MS4A6E: variants seen among roughly 807,000 people sequenced by gnomAD.
MS4A6E encodes membrane spanning 4-domains A6E.
Under a neutral mutation model 13.2 loss-of-function variants are expected in MS4A6E, and 8 were observed. That is an observed-to-expected ratio of 0.60 (90% CI 0.35 to 1.09). The LOEUF (loss-of-function observed/expected upper bound fraction) is 1.09, where lower values mean the gene tolerates loss of function less well. Ranked by LOEUF, MS4A6E falls within the 50% of genes least tolerant of loss-of-function variation. The pLI is 0.02. For missense variants in MS4A6E, 177 were observed against 171.1 expected, an observed-to-expected ratio of 1.03 and a Z score of -0.19; for synonymous variants, 72 against 67.6, an observed-to-expected ratio of 1.06 and a Z score of -0.32.
At chr11:60,331,342 A>AACCAT (rs2085154763) in intron 1 of MS4A6E, among the ~76,000 whole-genome samples, 1 of 152,094 alleles carries the variant, frequency 6.6e-6, no homozygotes. Flanking sequence ...TTTATATATA[A>AACCAT]ATAAACACAT....
chr11:60,330,561 C>A (rs2085148532), intron 1 of MS4A6E, among the ~76,000 whole-genome samples: 1 of 151,178 alleles, frequency 6.6e-6, no homozygotes, highest in African/African-American at 2.4e-5. Context: ...CCAGGATGGT[C>A]TCGATCTGAC....
intron 3 of MS4A6E, 86 bp from the exon 4 acceptor site, chr11:60,339,780 T>C (rs2085211801): frequency 9.0e-7 from 1 of 1,107,856 alleles, no homozygotes; most frequent in Non-Finnish European, 1.4e-6. Flanking sequence ...GTTGAGGTGG[T>C]CTTCATCTCT....
intron 4 of MS4A6E, among the ~76,000 whole-genome samples, chr11:60,348,474 A>ATT (rs770097815): frequency 3.3e-5 from 5 of 152,168 alleles, no homozygotes; most frequent in Non-Finnish European, 5.9e-5. Flanking sequence ...TAACAGGACT[A>ATT]TTTCCCCACA....
rs1275129249 is a variant in MS4A6E, at chr11:60,341,208, C to G, written c.*442C>G. Among the ~76,000 whole-genome samples, 5 of 152,176 alleles carry G rather than the reference C, an allele frequency of 3.3e-5. No homozygotes were observed. Among genetic ancestry groups the G allele is most frequent in the Non-Finnish European group, 7.4e-5 (5 of 68,026 alleles). The stretch of plus-strand genomic sequence containing the variant: ...TAACTGATTTGCTGTGGTGCGCAGA[C>G]TCTTTTATCACAGGTGCTACTGATT... On this transcript the variant is annotated 3_prime_UTR_variant, in exon 5 of 5. Coordinates refer to ENST00000684409, the MANE Select transcript of MS4A6E (RefSeq NM_139249.4).
chr11:60,345,095 A>G (rs1307096531), downstream of MS4A6E, among the ~76,000 whole-genome samples: 1 of 151,744 alleles, frequency 6.6e-6, no homozygotes, highest in African/African-American at 2.4e-5. Context: ...CCACCACACC[A>G]GGCTAATTTT....
chr11:60,342,857 T>G (rs980788058), downstream of MS4A6E, among the ~76,000 whole-genome samples: 2 of 152,210 alleles, frequency 1.3e-5, no homozygotes, highest in Non-Finnish European at 2.9e-5. Context: ...GGGCTGCTTT[T>G]TAATAAAAAG....
chr11:60,340,504 A>C (rs1321785650), intron 4 of MS4A6E, among the ~76,000 whole-genome samples: 1 of 152,212 alleles, frequency 6.6e-6, no homozygotes, highest in African/African-American at 2.4e-5. Flanking sequence ...ATTCCAAGGG[A>C]TACCACCCCT....
Position 60,337,786 on chromosome 11 carries a change from C to CTGG in MS4A6E, c.197_199dup (p.Val66dup). The CTGG allele has an allele frequency of 6.2e-7, 1 of 1,614,210 alleles. No individual in the cohort carries two copies. Among genetic ancestry groups the CTGG allele is most frequent in the Non-Finnish European group, 8.5e-7 (1 of 1,180,038 alleles). On this transcript the variant is annotated inframe_insertion, in exon 3 of 5. Transcript: ENST00000684409. The stretch of plus-strand genomic sequence containing the variant: ...AAGCATTCTGAGTGCTCTGTCTGCC[C>CTGG]TGGTGGGTTTCATTCTCCTGTCTGT...
chr11:60,332,959 T>G (rs2135056893), intron 1 of MS4A6E, among the ~76,000 whole-genome samples: 2 of 152,376 alleles, frequency 1.3e-5, no homozygotes, highest in Middle Eastern at 6.8e-3. Flanking sequence ...CCCACACGCT[T>G]CATTTTGCTT....
intron 1 of MS4A6E, among the ~76,000 whole-genome samples, chr11:60,328,029 C>CAAAAAAAA (rs3042505): frequency 1.2e-5 from 1 of 82,078 alleles, no homozygotes; most frequent in African/African-American, 5.1e-5. Context: ...GACTCCATCT[C>CAAAAAAAA]AAAAAAAAAA....
intron 4 of MS4A6E, among the ~76,000 whole-genome samples, chr11:60,348,488 T>C (rs555211101): frequency 6.6e-6 from 1 of 152,236 alleles, no homozygotes; most frequent in African/African-American, 2.4e-5. Context: ...CCCCACACCA[T>C]AAAAATCTGT....
chr11:60,328,306 C>T (rs977622624), intron 1 of MS4A6E, among the ~76,000 whole-genome samples: 9 of 152,008 alleles, frequency 5.9e-5, no homozygotes, highest in African/African-American at 2.2e-4. Context: ...TCAGCCTGGC[C>T]ATGTGAAGAT....
intron 1 of MS4A6E, among the ~76,000 whole-genome samples, chr11:60,334,470 A>G (rs1195558708): frequency 1.3e-5 from 2 of 152,234 alleles, no homozygotes; most frequent in African/African-American, 2.4e-5. Flanking sequence ...TATGATAAAC[A>G]TATCTAAGAT....
Position 60,337,810 on chromosome 11 carries a change from G to T in MS4A6E, c.217G>T (p.Val73Phe), listed in dbSNP as rs759308063. The T allele has an allele frequency of 8.1e-6, 13 of 1,614,044 alleles. No homozygotes were observed. The highest frequency in any genetic ancestry group is 4.5e-5 in the East Asian group (2 of 44,898). The change falls in exon 3 of 5, where the codon GTC becomes TTC. Residue 73 changes from valine to phenylalanine, a missense_variant. Val to Phe is a conservative substitution (Grantham distance 50). Transcript: ENST00000684409. ...SALVGFILLS[V>F]NPAALNPASL... ...CCTGGTGGGTTTCATTCTCCTGTCTGTCAACCCGGCTGCATTAAATCCTGC... is the reference window on the plus strand; with the variant it reads ...CCTGGTGGGTTTCATTCTCCTGTCTTTCAACCCGGCTGCATTAAATCCTGC...
chr11:60,334,846 T>A, intron 1 of MS4A6E, 36 bp from the exon 2 acceptor site: 1 of 1,604,854 alleles, frequency 6.2e-7, no homozygotes, highest in Non-Finnish European at 8.5e-7. Flanking sequence ...GGGAGCTCTG[T>A]ACTTTTAAGA....
chr11:60,343,789 A>G (rs927254474), downstream of MS4A6E, among the ~76,000 whole-genome samples: 1 of 152,102 alleles, frequency 6.6e-6, no homozygotes, highest in Non-Finnish European at 1.5e-5. Flanking sequence ...ATTTTTTGTC[A>G]TTGATGTCCA....
chr11:60,328,118 A>G (rs2085131522), intron 1 of MS4A6E, among the ~76,000 whole-genome samples: 1 of 151,488 alleles, frequency 6.6e-6, no homozygotes, highest in Admixed American at 6.6e-5. Flanking sequence ...TCTATGTCCC[A>G]GGGTTTTGTG....
chr11:60,333,046 C>T (rs978716938), intron 1 of MS4A6E, among the ~76,000 whole-genome samples: 3 of 152,226 alleles, frequency 2.0e-5, no homozygotes, highest in Admixed American at 6.5e-5. Context: ...TAGGAAGAAA[C>T]TTCTCACTTA....
Position 60,327,274 on chromosome 11 carries a change from T to C in MS4A6E, c.-149T>C, listed in dbSNP as rs1590770970. 6.6e-6 allele frequency among the ~76,000 whole-genome samples: 1 copy of C among 152,202 alleles called. No individual in the cohort carries two copies. The highest frequency in any genetic ancestry group is 1.9e-4 in the East Asian group (1 of 5,200). The stretch of plus-strand genomic sequence containing the variant: ...TGGACTATTTCACCCTTCCATTCAT[T>C]CCACCATGTGAGGACACAGTTTGTC... On this transcript the variant is annotated 5_prime_UTR_variant, in exon 1 of 5. Coordinates refer to ENST00000684409, the MANE Select transcript of MS4A6E (RefSeq NM_139249.4).
Sources: allele counts gnomAD v4.1 joint callset (sites outside exome capture counted in the v4.1 genomes callset), GRCh38; gene constraint gnomAD v4.1.1; transcripts MANE v1.5; gene names NCBI Gene and HGNC (gene_info 2026-07-23, HGNC 2026-07-21).